FGF11: variants seen among roughly 807,000 people sequenced by gnomAD.
FGF11 encodes fibroblast growth factor homologous factor 3.
In FGF11, 25 loss-of-function variants were observed where a neutral mutation model predicts 25.1. The observed-to-expected ratio is 1.00, with a 90% CI of 0.73 to 1.39. The LOEUF is 1.39. FGF11 is among the 40% of genes most tolerant of loss of function. FGF11 has a pLI of 0.00. For synonymous variants in FGF11, 130 were observed against 128.9 expected, an observed-to-expected ratio of 1.01 and a Z score of -0.06; for missense variants, 320 against 311.0, an observed-to-expected ratio of 1.03 and a Z score of -0.22.
chr17:7,440,681 C>G lies in FGF11; in HGVS notation c.194-790C>G, dbSNP rs1194193607. On this transcript the variant is annotated intron_variant, in intron 1 of 4. Transcript: ENST00000293829. This position sits in a 1 kb window ranked among gnomAD's most constrained non-coding sequence, Gnocchi z 5.4. ...CGCTCCCAGCTCCCCTAAGGGTAGCCACCTCGCGCCCTCCTCCCCGCGCCA... is the reference window on the plus strand; with the variant it reads ...CGCTCCCAGCTCCCCTAAGGGTAGCGACCTCGCGCCCTCCTCCCCGCGCCA... 1 of 985,774 alleles carries G rather than the reference C, an allele frequency of 1.0e-6. No homozygotes were observed. Among genetic ancestry groups the G allele is most frequent in the Non-Finnish European group, 1.2e-6 (1 of 830,436 alleles). 61.1% of individuals were successfully genotyped at this position (985,774 alleles called of 1,614,324 possible). A position where few individuals can be genotyped will look rare whatever the true frequency, so the allele number is the denominator to read the frequency against.
Position 7,440,277 on chromosome 17 carries a change from T to G in FGF11, c.193+464T>G. 6.8e-6 allele frequency: 1 copy of G among 147,112 alleles called. No individual in the cohort carries two copies. Among genetic ancestry groups the G allele is most frequent in the Non-Finnish European group, 1.5e-5 (1 of 68,548 alleles). 9.1% of individuals were successfully genotyped at this position (147,112 alleles called of 1,614,324 possible). On this transcript the variant is annotated intron_variant, in intron 1 of 4. Coordinates refer to ENST00000293829, the MANE Select transcript of FGF11 (RefSeq NM_004112.4). The surrounding 1 kb of genome is among the most constrained non-coding windows in gnomAD (Gnocchi z 5.4). ...CCCGCTCCTCCACGCCTGGGCTCGG[T>G]TCCTCCTGGTCGAGCTCTGCTGGCT...
In FGF11 at chr17:7,441,538, C is replaced by G. The variant is rs370633127; in HGVS notation, c.261C>G (p.Pro87=). 1 of 1,614,144 alleles carries G rather than the reference C, an allele frequency of 6.2e-7. No homozygotes were observed. Residue 87 remains proline, a synonymous_variant, in exon 2 of 5, where the codon CCC becomes CCG. Transcript: ENST00000293829. ...AGGGTTTCTACCTCCAGGCGAATCC[C>G]GACGGAAGCATCCAGGGCACCCCAG... is the stretch of plus-strand genomic sequence containing the variant. ...CRQGFYLQAN[P]DGSIQGTPED...
Position 7,440,781 on chromosome 17 carries a change from T to C in FGF11, c.194-690T>C. ...GGGCCCCCACGTGACTCAGCCTGCC[T>C]CTCCATCTCCTCAGCTCCCACCCCC... On this transcript the variant is annotated intron_variant, in intron 1 of 4. Coordinates refer to ENST00000293829, the MANE Select transcript of FGF11 (RefSeq NM_004112.4). This position sits in a 1 kb window ranked among gnomAD's most constrained non-coding sequence, Gnocchi z 5.4. 1.0e-6 allele frequency: 1 copy of C among 986,372 alleles called. No homozygotes were observed. The highest frequency in any genetic ancestry group is 1.2e-6 in the Non-Finnish European group (1 of 830,808). 61.1% of individuals were successfully genotyped at this position (986,372 alleles called of 1,614,324 possible).
chr17:7,443,065 C>A lies in FGF11; in HGVS notation c.608-11C>A. On this transcript the variant is annotated splice_polypyrimidine_tract_variant and intron_variant, in intron 4 of 4. Transcript: ENST00000293829. ...TCTCCTTCCCTGCTCCTCTCTTTCT[C>A]CCCTTCACAGTGGCCATGTACCAGG... is the stretch of plus-strand genomic sequence containing the variant. The A allele has an allele frequency of 6.2e-7, 1 of 1,607,200 alleles. No homozygotes were observed. Among genetic ancestry groups the A allele is most frequent in the Non-Finnish European group, 8.5e-7 (1 of 1,174,402 alleles).
rs193079622 is a variant in FGF11 at position 7,442,491 on chromosome 17, C to T, written c.409-103C>T. Reference sequence around the variant, plus strand: ...TGGACTCAGAAGTTGTCCTCCCCCTCCCCCAAAAAGGATTTGTGCTTTCCA... The same window carrying T: ...TGGACTCAGAAGTTGTCCTCCCCCTTCCCCAAAAAGGATTTGTGCTTTCCA... On this transcript the variant is annotated intron_variant, in intron 3 of 4. Coordinates refer to ENST00000293829, the MANE Select transcript of FGF11 (RefSeq NM_004112.4). 5 of 1,483,822 alleles carry T rather than the reference C, an allele frequency of 3.4e-6. No individual in the cohort carries two copies. In the East Asian group the frequency reaches 6.8e-5, roughly 20 times the overall value. The allele number at this position is 1,483,822 out of a possible 1,614,324, so 91.9% of individuals were successfully genotyped here.
At chr17:7,441,704 G>A (rs1908333200) in intron 2 of FGF11, 72 bp from the exon 3 acceptor site, 1 of 1,563,818 alleles carries the variant, frequency 6.4e-7, no homozygotes, top group African/African-American at 1.4e-5. Flanking sequence ...GGGAAAAAGT[G>A]GAGCTGGGAT....
chr17:7,439,252 A>C, upstream of FGF11: 1 of 185,694 alleles, frequency 5.4e-6, no homozygotes, highest in African/African-American at 2.3e-5. Context: ...AGGTGCCTGA[A>C]GATATTTAAA....
rs757350885 is a variant in FGF11, at chr17:7,442,799, A to G, written c.607+7A>G. 4 of 1,613,608 alleles carry G rather than the reference A, an allele frequency of 2.5e-6. No homozygotes were observed. The highest frequency in any genetic ancestry group is 2.7e-5 in the African/African-American group (2 of 74,908). On this transcript the variant is annotated splice_region_variant and intron_variant, in intron 4 of 4. Transcript: ENST00000293829. ...CTGCCCAAGCTCCTGGAGGGTGGGT[A>G]TAGACTCAAGAAAATGTGGGCCACA... is the stretch of plus-strand genomic sequence containing the variant.
chr17:7,439,393 A>G, upstream of FGF11: 1 of 423,746 alleles, frequency 2.4e-6, no homozygotes, highest in Non-Finnish European at 4.1e-6. Flanking sequence ...AGGAGTACAT[A>G]GGCTGCTGGA....
chr17:7,442,893 C>T (rs188151046), intron 4 of FGF11, 101 bp downstream of exon 4: 17 of 1,334,296 alleles, frequency 1.3e-5, no homozygotes, highest in African/African-American at 7.2e-5. Context: ...ATAAGAGGAC[C>T]CTTTGTGACA....
rs531244374 is a variant in FGF11 at position 7,441,608 on chromosome 17, G to A, written c.304+27G>A. On this transcript the variant is annotated intron_variant, in intron 2 of 4. Coordinates refer to ENST00000293829, the MANE Select transcript of FGF11 (RefSeq NM_004112.4). ...TGAGAGGGGAAGCTGGCTGCAGGGT[G>A]GGAAGGGGGAGAATGGGGACAGGAG... is the stretch of plus-strand genomic sequence containing the variant. 17 of 1,613,890 alleles carry A rather than the reference G, an allele frequency of 1.1e-5. No individual in the cohort carries two copies. In the South Asian group the frequency reaches 1.1e-4, roughly 10 times the overall value.
Position 7,439,761 on chromosome 17 carries a change from G to C in FGF11, c.141G>C (p.Leu47=). The part of the protein sequence containing the change: ...SLCQKQLLIL[L]SKVRLCGGRP... ...GCCAGAAGCAGCTCCTCATCCTGCT[G>C]TCCAAGGTGCGACTGTGCGGGGGGC... The change falls in exon 1 of 5, where the codon CTG becomes CTC. Residue 47 remains leucine, a synonymous_variant. Transcript: ENST00000293829. 1 of 1,555,960 alleles carries C rather than the reference G, an allele frequency of 6.4e-7. No individual in the cohort carries two copies. Among genetic ancestry groups the C allele is most frequent in the Non-Finnish European group, 8.6e-7 (1 of 1,156,292 alleles).
chr17:7,441,225 C>T (rs1908307032), intron 1 of FGF11: 1 of 478,340 alleles, frequency 2.1e-6, no homozygotes, highest in South Asian at 2.2e-5. Flanking sequence ...GGAATTAAGC[C>T]ATTTAAATAA....
intron 3 of FGF11, 70 bp downstream of exon 3, chr17:7,441,949 A>G: frequency 8.6e-7 from 1 of 1,165,398 alleles, no homozygotes; most frequent in South Asian, 1.5e-5. Flanking sequence ...CCTTGAGGGA[A>G]TGACAACCTT....
At chr17:7,442,098 C>A (rs1342497445) in intron 3 of FGF11, 2 of 481,136 alleles carry the variant, frequency 4.2e-6, no homozygotes, top group Non-Finnish European at 7.3e-6. Context: ...GCCCCAGGTT[C>A]TTTGAATGTC....
chr17:7,439,879 A>C (rs892351248), intron 1 of FGF11, 66 bp downstream of exon 1: 1 of 1,309,184 alleles, frequency 7.6e-7, no homozygotes, highest in Non-Finnish European at 9.9e-7. Flanking sequence ...GAGGCCAGGG[A>C]CTCTGAAGAA....
chr17:7,438,857 G>C (rs912338059), upstream of FGF11, among the ~76,000 whole-genome samples: 3 of 152,240 alleles, frequency 2.0e-5, no homozygotes, highest in African/African-American at 7.2e-5. Context: ...CACTAGGAAG[G>C]GTGGATTTGG....
rs749341752 is a variant in FGF11, at chr17:7,442,691, G to A, written c.506G>A (p.Arg169Gln). ...CTCTACCGCCAGCGTCGTTCTGGCCGGGCCTGGTACCTCGGCCTGGACAAG... is the reference window on the plus strand; with the variant it reads ...CTCTACCGCCAGCGTCGTTCTGGCCAGGCCTGGTACCTCGGCCTGGACAAG... ...SALYRQRRSG[R>Q]AWYLGLDKEG... Residue 169 changes from arginine to glutamine, a missense_variant, in exon 4 of 5, where the codon CGG becomes CAG. Arg to Gln is a conservative substitution (Grantham distance 43). Coordinates refer to ENST00000293829, the MANE Select transcript of FGF11 (RefSeq NM_004112.4). The A allele has an allele frequency of 7.6e-5, 123 of 1,614,060 alleles. No individual in the cohort carries two copies. The highest frequency in any genetic ancestry group is 1.3e-4 in the East Asian group (6 of 44,896).
chr17:7,438,829 T>A (rs4151120), upstream of FGF11, among the ~76,000 whole-genome samples: 48,422 of 152,010 alleles, frequency 0.32, 8,283 homozygotes, highest in Non-Finnish European at 0.37. Flanking sequence ...GGCCCTCCAG[T>A]CAACTACCTG....
Sources: gnomAD v4.1 joint callset for allele counts (sites outside exome capture counted in the v4.1 genomes callset) on GRCh38, gnomAD v4.1.1 for gene constraint, Gnocchi (gnomAD v3.1) non-coding constraint, MANE v1.5 for transcripts, NCBI Gene and HGNC (gene_info 2026-07-23, HGNC 2026-07-21) for gene names.